Variants in ANKRD30A observed in about 807,000 individuals in gnomAD.
ANKRD30A encodes the protein ankyrin repeat domain-containing protein 30A.
Under a neutral mutation model 166.3 loss-of-function variants are expected in ANKRD30A, and 170 were observed. That is an observed-to-expected ratio of 1.02 (90% CI 0.90 to 1.16). ANKRD30A has a LOEUF of 1.16. Among genes scored for constraint, ANKRD30A ranks in the 50% most tolerant of loss-of-function variants. The pLI, the probability that ANKRD30A is intolerant of heterozygous loss-of-function variation, is 0.00. For synonymous variants in ANKRD30A, 564 were observed against 508.9 expected, an observed-to-expected ratio of 1.11 and a Z score of -1.46; for missense variants, 1,630 against 1,518.0, an observed-to-expected ratio of 1.07 and a Z score of -1.23.
At position 37,162,749 on chromosome 10, in the gene ANKRD30A, A is replaced by T. The variant is rs561277618; in HGVS notation, c.1930-27A>T. Reference sequence around the variant, plus strand: ...TTTTGTGAAGTATACATTCTTTATTAATCATTTTGCTTCCAACCCCATTTA... The same window carrying T: ...TTTTGTGAAGTATACATTCTTTATTTATCATTTTGCTTCCAACCCCATTTA... On this transcript the variant is annotated intron_variant, in intron 16 of 35. Coordinates refer to ENST00000361713, the MANE Select transcript of ANKRD30A (RefSeq NM_052997.3). 2.5e-6 allele frequency: 4 copies of T among 1,613,532 alleles called. No homozygotes were observed. In the African/African-American group the frequency reaches 5.3e-5, roughly 22 times the overall value.
intron 34 of ANKRD30A, among the ~76,000 whole-genome samples, chr10:37,224,185 T>C (rs1039470637): frequency 6.6e-6 from 1 of 151,404 alleles, no homozygotes; most frequent in Non-Finnish European, 1.5e-5. Context: ...CTCTTTTCAT[T>C]ATCTACTTTG....
rs938881850 is a variant in ANKRD30A at position 37,162,513 on chromosome 10, A to C, written c.1901-136A>C. 2.6e-6 allele frequency: 3 copies of C among 1,166,120 alleles called. No individual in the cohort carries two copies. In the African/African-American group the frequency reaches 4.6e-5, roughly 18 times the overall value. 72.2% of individuals were successfully genotyped at this position (1,166,120 alleles called of 1,614,324 possible). A position where few individuals can be genotyped will look rare whatever the true frequency, so the allele number is the denominator to read the frequency against. On this transcript the variant is annotated intron_variant, in intron 15 of 35. Transcript: ENST00000361713. ...GTGTGTGTGTCCTAAACAAACCAAA[A>C]GAAAACTTTCCAAATCTAAAGTATT... is the stretch of plus-strand genomic sequence containing the variant.
At chr10:37,247,389 T>C in the ANKRD30A span, among the ~76,000 whole-genome samples, 2 of 152,204 alleles carry the variant, frequency 1.3e-5, no homozygotes, top group Non-Finnish European at 2.9e-5. Context: ...TAGTGTTCAA[T>C]GCATTTATCT....
At chr10:37,190,387 G>A (rs1365324863) in intron 25 of ANKRD30A, among the ~76,000 whole-genome samples, 2 of 151,782 alleles carry the variant, frequency 1.3e-5, no homozygotes, top group Non-Finnish European at 1.5e-5. Context: ...GAAAAGGTCA[G>A]GAGAAAGCAT....
chr10:37,218,987 A>T lies in ANKRD30A; in HGVS notation c.3275A>T (p.His1092Leu). 1 of 1,578,208 alleles carries T rather than the reference A, an allele frequency of 6.3e-7. No individual in the cohort carries two copies. Among genetic ancestry groups the T allele is most frequent in the Non-Finnish European group, 8.6e-7 (1 of 1,165,058 alleles). The change falls in exon 34 of 36, where the codon CAC becomes CTC. Residue 1092 changes from histidine (H) to leucine (L), a missense_variant. Physicochemically the swap from His to Leu is moderately conservative, Grantham distance 99. Coordinates refer to ENST00000361713, the MANE Select transcript of ANKRD30A (RefSeq NM_052997.3). ...TTATTTTGTTTTATTTAGGTTTCTCACACTCATGAAAATGAAAATTATCTC... is the reference window on the plus strand; with the variant it reads ...TTATTTTGTTTTATTTAGGTTTCTCTCACTCATGAAAATGAAAATTATCTC... ...SVESNLNQVS[H>L]THENENYLLH... is the part of the protein sequence containing the mutation.
chr10:37,258,222 A>G, the ANKRD30A span, among the ~76,000 whole-genome samples: 2 of 152,220 alleles, frequency 1.3e-5, no homozygotes, highest in African/African-American at 2.4e-5. Flanking sequence ...AGTCATTTCT[A>G]TTTACTAAAT....
At chr10:37,196,749 G>A (rs1288589204) in intron 27 of ANKRD30A, among the ~76,000 whole-genome samples, 2 of 152,016 alleles carry the variant, frequency 1.3e-5, no homozygotes, top group Admixed American at 1.3e-4. Flanking sequence ...AGAAATATAG[G>A]CATATGATTA....
intron 6 of ANKRD30A, among the ~76,000 whole-genome samples, chr10:37,137,633 C>G (rs570772981): frequency 1.1e-4 from 17 of 152,260 alleles, no homozygotes; most frequent in Middle Eastern, 3.4e-3. Context: ...ATTGCTAGCA[C>G]AGCAGTCTGA....
rs748306480 is a variant in ANKRD30A at position 37,130,220 on chromosome 10, C to T, written c.352C>T (p.Gln118Ter). ...ATACTGACAGGCTCTACAATGCCAT[C>T]AGGAGGCTTGTGCAAATATTCTGAT... The part of the protein sequence containing the change: ...TPLMKALQCH[Q>*]EACANILIDS... The change falls in exon 3 of 36, where the codon CAG becomes TAG. Residue 118 changes from glutamine to a stop codon, truncating the protein, a stop_gained. Transcript: ENST00000361713. LOFTEE classifies it high-confidence loss of function. 2.0e-5 allele frequency: 32 copies of T among 1,594,208 alleles called. No homozygotes were observed. In the South Asian group the frequency reaches 3.5e-4, roughly 17 times the overall value.
chr10:37,173,148 AGATG>A (rs1839729090), intron 21 of ANKRD30A, among the ~76,000 whole-genome samples: 1 of 136,986 alleles, frequency 7.3e-6, no homozygotes, highest in African/African-American at 2.7e-5. Flanking sequence ...AGAAGCATTC[AGATG>A]GATAAAGTAG....
Position 37,130,395 on chromosome 10 carries a change from G to A in ANKRD30A, c.510+17G>A, listed in dbSNP as rs548329002. Reference sequence around the variant, plus strand: ...CACAACAAGGTAGACACTAACCAATGTTATTTTCAAAATATTTGAAATCCA... The same window carrying A: ...CACAACAAGGTAGACACTAACCAATATTATTTTCAAAATATTTGAAATCCA... On this transcript the variant is annotated intron_variant, in intron 3 of 35. Transcript: ENST00000361713. The A allele has an allele frequency of 6.4e-6, 9 of 1,402,334 alleles. No homozygotes were observed. Among genetic ancestry groups the A allele is most frequent in the Non-Finnish European group, 7.5e-6 (8 of 1,069,718 alleles). The allele number at this position is 1,402,334 out of a possible 1,614,324, so 86.9% of individuals were successfully genotyped here. A position where few individuals can be genotyped will look rare whatever the true frequency, so the allele number is the denominator to read the frequency against.
chr10:37,141,249 T>C (rs1344162404), intron 6 of ANKRD30A, among the ~76,000 whole-genome samples: 2 of 152,102 alleles, frequency 1.3e-5, no homozygotes, highest in Non-Finnish European at 2.9e-5. Flanking sequence ...AGACCTTTTA[T>C]ATCCAAGGTG....
intron 25 of ANKRD30A, among the ~76,000 whole-genome samples, chr10:37,191,920 G>T (rs973916932): frequency 6.6e-6 from 1 of 152,012 alleles, no homozygotes; most frequent in Non-Finnish European, 1.5e-5. Context: ...GCGTGAACCC[G>T]CGAGGCGGAG....
chr10:37,205,306 G>T (rs1353621631), intron 31 of ANKRD30A, among the ~76,000 whole-genome samples: 4 of 152,118 alleles, frequency 2.6e-5, no homozygotes, highest in African/African-American at 9.7e-5. Flanking sequence ...GTAGGGACAT[G>T]GATGAAGCTG....
At chr10:37,205,062 C>G (rs1422104789) in intron 31 of ANKRD30A, among the ~76,000 whole-genome samples, 3 of 152,122 alleles carry the variant, frequency 2.0e-5, no homozygotes, top group African/African-American at 7.2e-5. Flanking sequence ...GGATCTAGAA[C>G]TAGAAATACC....
rs11011053 is a variant in ANKRD30A at position 37,160,158 on chromosome 10, G to C, written c.1900+1572G>C. On this transcript the variant is annotated intron_variant, in intron 15 of 35. Transcript: ENST00000361713. ...GTTAATTCTAAAACACATTTAATTA[G>C]ACCGTCTTTTCTAGCCACTAAAAGT... 8.5e-5 allele frequency among the ~76,000 whole-genome samples: 13 copies of C among 152,240 alleles called. No homozygotes were observed. The East Asian group carries it at 1.2e-3, about 14-fold the overall frequency.
chr10:37,231,632 C>G lies in ANKRD30A; in HGVS notation c.*163C>G. The G allele has an allele frequency of 4.5e-6, 2 of 442,654 alleles. No individual in the cohort carries two copies. The highest frequency in any genetic ancestry group is 8.0e-6 in the Non-Finnish European group (2 of 249,478). 27.4% of individuals were successfully genotyped at this position (442,654 alleles called of 1,614,324 possible). A position where few individuals can be genotyped will look rare whatever the true frequency, so the allele number is the denominator to read the frequency against. On this transcript the variant is annotated 3_prime_UTR_variant, in exon 35 of 36. Transcript: ENST00000361713. ...TAGAAGAAAAATTCATGATTTCTTC[C>G]TGAAGCCTACAGACATAAAATAACA...
chr10:37,219,488 A>C lies in ANKRD30A; in HGVS notation c.3776A>C (p.Lys1259Thr), dbSNP rs1188560126. Residue 1259 changes from lysine (K) to threonine (T), a missense_variant, in exon 34 of 36, where the codon AAA becomes ACA. This residue lies in a region of ANKRD30A where 712 missense variants were observed against 629.3 expected (regional missense o/e 1.13). Coordinates refer to ENST00000361713, the MANE Select transcript of ANKRD30A (RefSeq NM_052997.3). ...CAACCACTTTCTGAAGCTCAAAGGA[A>C]ATCCAAAAGCCTAAAAATTAATCTC... ...LHQPLSEAQR[K>T]SKSLKINLNY... 5 of 1,610,186 alleles carry C rather than the reference A, an allele frequency of 3.1e-6. No individual in the cohort carries two copies. The East Asian group carries it at 8.9e-5, about 29-fold the overall frequency.
intron 6 of ANKRD30A, 47 bp downstream of exon 6, chr10:37,136,718 T>C: frequency 8.9e-7 from 1 of 1,120,300 alleles, no homozygotes; most frequent in Non-Finnish European, 1.3e-6. Context: ...TATCATAAGA[T>C]TATGGAAGTG....
Sources: allele counts gnomAD v4.1 joint callset (sites outside exome capture counted in the v4.1 genomes callset), GRCh38; gene constraint gnomAD v4.1.1; regional missense constraint gnomAD v4.1.1; transcripts MANE v1.5; gene names NCBI Gene and HGNC (gene_info 2026-07-23, HGNC 2026-07-21).